ZNF160: variants seen among roughly 807,000 people sequenced by gnomAD.
ZNF160 encodes the protein zinc finger protein 160.
In ZNF160, 9 loss-of-function variants were observed where a neutral mutation model predicts 13.1. The observed-to-expected ratio is 0.69, with a 90% CI of 0.41 to 1.20. ZNF160 has a LOEUF of 1.20. ZNF160 is among the 50% of genes most tolerant of loss of function. The pLI, the probability that ZNF160 is intolerant of heterozygous loss-of-function variation, is 0.01. For missense variants in ZNF160, 838 were observed against 988.0 expected (o/e 0.85, Z 2.04); for synonymous variants, 293 against 333.2 (o/e 0.88, Z 1.31).
In ZNF160 at chr19:53,068,413, G is replaced by C; in HGVS notation, c.2121C>G (p.Cys707Trp). 6.2e-7 allele frequency: 1 copy of C among 1,610,636 alleles called. No individual in the cohort carries two copies. The highest frequency in any genetic ancestry group is 8.5e-7 in the Non-Finnish European group (1 of 1,178,772). ...CACTGAAGGCTTTCCCACACTCATT[G>C]CATCGGTAAGGTTTCTCTCCGGTGT... Reference protein sequence around the residue: ...RTHTGEKPYRCNECGKAFSVR... With the variant: ...RTHTGEKPYRWNECGKAFSVR... Residue 707 changes from cysteine to tryptophan, a missense_variant, in exon 6 of 6, where the codon TGC (cysteine) becomes TGG (tryptophan). Coordinates refer to ENST00000683776, the MANE Select transcript of ZNF160 (RefSeq NM_001322131.2).
chr19:53,088,282 A>G (rs996233850), intron 2 of ZNF160, among the ~76,000 whole-genome samples: 5 of 152,232 alleles, frequency 3.3e-5, no homozygotes, highest in African/African-American at 1.2e-4. Context: ...TACGGCATTT[A>G]GGAATTGGGA....
chr19:53,068,775 G>A lies in ZNF160; in HGVS notation c.1759C>T (p.His587Tyr). 6.2e-7 allele frequency: 1 copy of A among 1,612,834 alleles called. No homozygotes were observed. The highest frequency in any genetic ancestry group is 8.5e-7 in the Non-Finnish European group (1 of 1,178,914). Residue 587 changes from histidine to tyrosine, a missense_variant, in exon 6 of 6, where the codon CAT becomes TAT. His to Tyr is a moderately conservative substitution (Grantham distance 83). Coordinates refer to ENST00000683776, the MANE Select transcript of ZNF160 (RefSeq NM_001322131.2). ...TSQLARHWRV[H>Y]TGEKPYKCND... ...CACTTGTAAGGTTTTTCTCCAGTAT[G>A]AACTCTCCAATGCCTTGCAAGTTGT...
At chr19:53,082,453 A>T (rs1004776330) in intron 3 of ZNF160, among the ~76,000 whole-genome samples, 3 of 152,222 alleles carry the variant, frequency 2.0e-5, no homozygotes, top group African/African-American at 7.2e-5. Flanking sequence ...AGGCCAAGGC[A>T]GGAGTACTGC....
chr19:53,075,899 G>A (rs878955956), intron 3 of ZNF160: 11 of 491,248 alleles, frequency 2.2e-5, no homozygotes, highest in South Asian at 8.9e-5. Context: ...GCGCTGTTGT[G>A]GGATTGAGCC....
At chr19:53,083,955 C>G (rs969034937) in intron 3 of ZNF160, among the ~76,000 whole-genome samples, 1 of 152,130 alleles carries the variant, frequency 6.6e-6, no homozygotes, top group African/African-American at 2.4e-5. Flanking sequence ...TTCCCCTGTT[C>G]CCTACTTCCT....
intron 3 of ZNF160, among the ~76,000 whole-genome samples, chr19:53,079,464 C>T (rs1016462894): frequency 1.3e-5 from 2 of 149,196 alleles, no homozygotes; most frequent in Non-Finnish European, 3.0e-5. Context: ...GCAGGAGAAT[C>T]TCTTGAACCC....
rs561280002 is a variant in ZNF160 at position 53,075,645 on chromosome 19, A to T, written c.16-462T>A. The T allele has an allele frequency of 5.4e-4, 258 of 475,044 alleles. 2 individuals carry two copies. Among genetic ancestry groups the T allele is most frequent in the African/African-American group, 5.0e-3 (255 of 50,776 alleles). The allele number at this position is 475,044 out of a possible 1,614,324, so 29.4% of individuals were successfully genotyped here. Reference sequence around the variant, plus strand: ...AAAGACAGAATACATGAGAGAATACATCCCAGCTCCTCACTCCTTTCCCAT... The same window carrying T: ...AAAGACAGAATACATGAGAGAATACTTCCCAGCTCCTCACTCCTTTCCCAT... On this transcript the variant is annotated intron_variant, in intron 3 of 5. Transcript: ENST00000683776.
At chr19:53,094,691 T>G (rs1028922187) in intron 1 of ZNF160, among the ~76,000 whole-genome samples, 2 of 152,224 alleles carry the variant, frequency 1.3e-5, no homozygotes, top group African/African-American at 2.4e-5. Context: ...AATGTTGGAT[T>G]AACTGAAAAT....
At chr19:53,100,627 A>G (rs2146083600) in intron 1 of ZNF160, among the ~76,000 whole-genome samples, 1 of 151,752 alleles carries the variant, frequency 6.6e-6, no homozygotes, top group South Asian at 2.1e-4. Context: ...AAATTAGTTA[A>G]TAGGTTCTTA....
At position 53,075,050 on chromosome 19, in the gene ZNF160, T is replaced by C; in HGVS notation, c.142+7A>G. The C allele has an allele frequency of 1.9e-6, 3 of 1,614,080 alleles. No individual in the cohort carries two copies. Among genetic ancestry groups the C allele is most frequent in the South Asian group, 1.1e-5 (1 of 91,084 alleles). On this transcript the variant is annotated splice_region_variant and intron_variant, in intron 4 of 5. Coordinates refer to ENST00000683776, the MANE Select transcript of ZNF160 (RefSeq NM_001322131.2). ...GATCTTGACTTCTGGAAGAAAGTCA[T>C]CCTCACCCAGAGAAACAAGGTTCCA...
chr19:53,102,087 C>T (rs543758227), intron 1 of ZNF160, among the ~76,000 whole-genome samples: 6 of 152,040 alleles, frequency 3.9e-5, no homozygotes, highest in Non-Finnish European at 8.8e-5. Context: ...CGATGTTGTG[C>T]CTCTTTTTTC....
At chr19:53,072,922 C>T (rs1475124308) in intron 5 of ZNF160, 8 of 776,714 alleles carry the variant, frequency 1.0e-5, no homozygotes, top group Non-Finnish European at 1.1e-5. Context: ...TTATTTAGAA[C>T]CAACACAATA....
intron 1 of ZNF160, among the ~76,000 whole-genome samples, chr19:53,095,205 C>T (rs13343940): frequency 0.26 from 30,425 of 119,058 alleles, 4,885 homozygotes; most frequent in Middle Eastern, 0.3. Flanking sequence ...ACAGCAGTTC[C>T]ACCCTCCCAC....
intron 3 of ZNF160, chr19:53,075,942 TAGAC>T (rs1331157268): frequency 8.6e-6 from 3 of 349,400 alleles, no homozygotes; most frequent in East Asian, 1.5e-4. Context: ...TATATCCAGA[TAGAC>T]AGTGTCAGAA....
Position 53,091,571 on chromosome 19 carries a change from G to C in ZNF160, c.-204C>G, listed in dbSNP as rs1370051772. 6.6e-6 allele frequency: 1 copy of C among 152,230 alleles called. No individual in the cohort carries two copies. The highest frequency in any genetic ancestry group is 1.5e-5 in the Non-Finnish European group (1 of 68,090). The allele number at this position is 152,230 out of a possible 1,614,324, so 9.4% of individuals were successfully genotyped here. On this transcript the variant is annotated 5_prime_UTR_variant, in exon 2 of 6. Transcript: ENST00000683776. The stretch of plus-strand genomic sequence containing the variant: ...GCGGGGGACTTGGGGAAAGGGGGCG[G>C]TGCCTGCGCTCCCCTCCCTCTCACT...
intron 5 of ZNF160, 86 bp downstream of exon 5, chr19:53,074,054 T>A: frequency 7.3e-7 from 1 of 1,367,830 alleles, no homozygotes; most frequent in South Asian, 1.3e-5. Flanking sequence ...CCTCCCTAAG[T>A]GTTGAGATTA....
intron 5 of ZNF160, chr19:53,073,474 G>A (rs2084260744): frequency 6.3e-7 from 1 of 1,598,122 alleles, no homozygotes; most frequent in South Asian, 1.1e-5. Context: ...CAGATGCCAA[G>A]GAGCAGCAGC....
rs1193878191 is a variant in ZNF160 at position 53,066,963 on chromosome 19, T to A, written c.*1114A>T. ...CGCCCGGCTAATTTTGTATTTTTAGTACAATTGGGGTTTCTCCATGTTGGT... is the reference window on the plus strand; with the variant it reads ...CGCCCGGCTAATTTTGTATTTTTAGAACAATTGGGGTTTCTCCATGTTGGT... On this transcript the variant is annotated 3_prime_UTR_variant, in exon 6 of 6. Transcript: ENST00000683776. The A allele has an allele frequency of 5.9e-5, 9 of 152,026 alleles. No homozygotes were observed. Among genetic ancestry groups the A allele is most frequent in the Admixed American group, 5.9e-4 (9 of 15,250 alleles). The allele number at this position is 152,026 out of a possible 1,614,324, so 9.4% of individuals were successfully genotyped here.
chr19:53,077,282 C>T (rs2084429365), intron 3 of ZNF160: 1 of 152,192 alleles, frequency 6.6e-6, no homozygotes, highest in South Asian at 2.1e-4. Flanking sequence ...AGCCTCTAGT[C>T]AGGATGACTG....
Sources: allele counts gnomAD v4.1 joint callset (sites outside exome capture counted in the v4.1 genomes callset), GRCh38; gene constraint gnomAD v4.1.1; transcripts MANE v1.5; gene names NCBI Gene and HGNC (gene_info 2026-07-23, HGNC 2026-07-21).